The following PLXNC1 variants were observed in gnomAD, a reference collection of about 807,000 sequenced individuals.
PLXNC1 encodes plexin-C1.
In PLXNC1, 75 loss-of-function variants were observed where a neutral mutation model predicts 178.2. The ratio of observed to expected loss-of-function variants is 0.42; its 90% CI spans 0.35 to 0.51. PLXNC1 has a LOEUF of 0.51. PLXNC1 is among the 20% of genes least tolerant of loss of function. The probability of loss-of-function intolerance (pLI) is 0.02; values close to 1 mark genes in which losing one functional copy is unlikely to be tolerated. For missense variants in PLXNC1, 1,503 were observed against 1,984.4 expected, an observed-to-expected ratio of 0.76 and a Z score of 4.61; for synonymous variants, 790 against 779.9, an observed-to-expected ratio of 1.01 and a Z score of -0.22.
intron 9 of PLXNC1, among the ~76,000 whole-genome samples, chr12:94,229,726 C>T (rs7972001): frequency 0.068 from 10,418 of 152,216 alleles, 474 homozygotes; most frequent in African/African-American, 0.13. Context: ...GAGTGTATTT[C>T]TGGGTGTTCT....
At position 94,305,404 on chromosome 12, in the gene PLXNC1, C is replaced by CTGTCT; in HGVS notation, c.*121_*125dup. 1.6e-6 allele frequency: 1 copy of CTGTCT among 639,566 alleles called. No homozygotes were observed. The allele number at this position is 639,566 out of a possible 1,614,324, so 39.6% of individuals were successfully genotyped here. ...TTGCACATAGGTTCCACTTTGGGCA[C>CTGTCT]TGTCTTTTTAAGAGACCAAGGCACA... On this transcript the variant is annotated 3_prime_UTR_variant, in exon 31 of 31. Transcript: ENST00000258526.
chr12:94,188,981 GA>G (rs1227602564), intron 4 of PLXNC1, among the ~76,000 whole-genome samples: 17 of 152,386 alleles, frequency 1.1e-4, no homozygotes, highest in African/African-American at 3.6e-4. Context: ...AGAAAAGAGA[GA>G]GAAGGAGTGG....
Position 94,248,031 on chromosome 12 carries a change from G to A in PLXNC1, c.2517G>A (p.Gln839=), listed in dbSNP as rs1193612910. ...QDTYLDCGTL[Q]YREDPRFTGY... is the part of the protein sequence containing the mutation. The stretch of plus-strand genomic sequence containing the variant: ...CCTACTTGGATTGTGGAACCCTGCA[G>A]TATCGGGAGGACCCCAGATTCACGG... Residue 839 remains glutamine, a synonymous_variant, in exon 13 of 31, where the codon CAG becomes CAA. Coordinates refer to ENST00000258526, the MANE Select transcript of PLXNC1 (RefSeq NM_005761.3). The A allele has an allele frequency of 1.2e-6, 2 of 1,614,180 alleles. No individual in the cohort carries two copies. The highest frequency in any genetic ancestry group is 2.2e-5 in the South Asian group (2 of 91,090).
rs563195632 is a variant in PLXNC1 at position 94,220,879 on chromosome 12, T to C, written c.1702+716T>C. Reference sequence around the variant, plus strand: ...TTCAGACAGAGACCAACCTGCATGATGGCCAGGAGACAAAAAGCTTTATTT... The same window carrying C: ...TTCAGACAGAGACCAACCTGCATGACGGCCAGGAGACAAAAAGCTTTATTT... On this transcript the variant is annotated intron_variant, in intron 6 of 30. Coordinates refer to ENST00000258526, the MANE Select transcript of PLXNC1 (RefSeq NM_005761.3). Among the ~76,000 whole-genome samples the C allele has an allele frequency of 2.6e-5, 4 of 152,252 alleles. No homozygotes were observed. The South Asian group carries it at 8.3e-4, about 32-fold the overall frequency.
In PLXNC1 at chr12:94,260,741, T is replaced by C; in HGVS notation, c.3351T>C (p.Cys1117=). 1 of 1,614,154 alleles carries C rather than the reference T, an allele frequency of 6.2e-7. No individual in the cohort carries two copies. The highest frequency in any genetic ancestry group is 1.1e-5 in the South Asian group (1 of 91,082). The change falls in exon 20 of 31, where the codon TGT becomes TGC. Residue 1117 remains cysteine, a synonymous_variant. Coordinates refer to ENST00000258526, the MANE Select transcript of PLXNC1 (RefSeq NM_005761.3). This position sits in a 1 kb window ranked among gnomAD's most constrained non-coding sequence, Gnocchi z 4.4. ...EVLTRDLMEQ[C]SNMQPKLMLR... Reference sequence around the variant, plus strand: ...TGACCAGGGACTTGATGGAACAGTGTAGTAACATGCAGCCGAAACTCATGC... The same window carrying C: ...TGACCAGGGACTTGATGGAACAGTGCAGTAACATGCAGCCGAAACTCATGC...
chr12:94,266,808 A>G (rs11107488), intron 21 of PLXNC1, among the ~76,000 whole-genome samples: 3,311 of 152,352 alleles, frequency 0.022, 144 homozygotes, highest in African/African-American at 0.075. Flanking sequence ...GAACATTGCC[A>G]GGCATGTGAG....
chr12:94,223,677 A>G (rs1963856322), intron 6 of PLXNC1, among the ~76,000 whole-genome samples: 1 of 152,250 alleles, frequency 6.6e-6, no homozygotes, highest in African/African-American at 2.4e-5. Flanking sequence ...TTTCTAACCA[A>G]TGAGTAGGTT....
In PLXNC1 at chr12:94,220,191, G is replaced by A. The variant is rs773164862; in HGVS notation, c.1702+28G>A. 25 of 1,601,978 alleles carry A rather than the reference G, an allele frequency of 1.6e-5. No homozygotes were observed. In the South Asian group the frequency reaches 1.9e-4, roughly 12 times the overall value. On this transcript the variant is annotated intron_variant, in intron 6 of 30. Transcript: ENST00000258526. ...ATGTGGATTCTTCTGGGTTATTTTT[G>A]TTATAAAATCAAAAAAACAAGGGAA...
chr12:94,261,870 ATTTT>A (rs914088020), intron 20 of PLXNC1, among the ~76,000 whole-genome samples: 7 of 151,206 alleles, frequency 4.6e-5, no homozygotes, highest in African/African-American at 1.5e-4. Flanking sequence ...ATGCACAACA[ATTTT>A]TTTTTTAATT....
chr12:94,299,226 C>CAGAT (rs1302666602), intron 27 of PLXNC1, among the ~76,000 whole-genome samples: 2 of 152,176 alleles, frequency 1.3e-5, no homozygotes, highest in Non-Finnish European at 2.9e-5. Flanking sequence ...GTGCAGTACT[C>CAGAT]AGATACTATG....
At position 94,260,784 on chromosome 12, in the gene PLXNC1, G is replaced by A. The variant is rs79794288; in HGVS notation, c.3394G>A (p.Val1132Ile). ...PKLMLRRTES[V>I]VEKLLTNWMS... Reference sequence around the variant, plus strand: ...ACTCATGCTGAGACGCACGGAGTCCGTCGTCGAAAAACTCCTCACAAACTG... The same window carrying A: ...ACTCATGCTGAGACGCACGGAGTCCATCGTCGAAAAACTCCTCACAAACTG... The change falls in exon 20 of 31, where the codon GTC becomes ATC. Residue 1132 changes from valine (V) to isoleucine (I), a missense_variant. Physicochemically the swap from Val to Ile is conservative, Grantham distance 29. Around this residue, in one of 4 missense-constraint regions of PLXNC1, gnomAD observed 639 missense variants for 979.7 expected, o/e 0.65. Transcript: ENST00000258526. The surrounding 1 kb of genome is among the most constrained non-coding windows in gnomAD (Gnocchi z 4.4). 38 of 1,614,200 alleles carry A rather than the reference G, an allele frequency of 2.4e-5. No individual in the cohort carries two copies. Among genetic ancestry groups the A allele is most frequent in the African/African-American group, 9.3e-5 (7 of 75,062 alleles).
At chr12:94,185,089 A>T (rs747269270) in intron 3 of PLXNC1, among the ~76,000 whole-genome samples, 1 of 152,222 alleles carries the variant, frequency 6.6e-6, no homozygotes, top group Non-Finnish European at 1.5e-5. Flanking sequence ...AAGGTTAGAG[A>T]GATTGCATGA....
At chr12:94,274,769 G>A (rs750965896) in intron 21 of PLXNC1, among the ~76,000 whole-genome samples, 11 of 152,156 alleles carry the variant, frequency 7.2e-5, no homozygotes, top group Non-Finnish European at 1.3e-4. Context: ...TTGAGTACCC[G>A]GTTCTACCAT....
chr12:94,218,903 T>C (rs1334552448), intron 5 of PLXNC1, among the ~76,000 whole-genome samples: 5 of 152,224 alleles, frequency 3.3e-5, no homozygotes, highest in African/African-American at 9.6e-5. Context: ...TTGACAAATG[T>C]ATCTTCACAC....
intron 1 of PLXNC1, among the ~76,000 whole-genome samples, chr12:94,152,563 G>A (rs1424857075): frequency 6.6e-6 from 1 of 152,232 alleles, no homozygotes; most frequent in Non-Finnish European, 1.5e-5. Flanking sequence ...GAAAAGGCAT[G>A]CTGAATTATA....
chr12:94,199,491 G>A (rs1283188021), intron 4 of PLXNC1, among the ~76,000 whole-genome samples: 1 of 152,140 alleles, frequency 6.6e-6, no homozygotes. Context: ...TGGGCCTCAG[G>A]GAATTACTGA....
In PLXNC1 at chr12:94,209,732, CGTT is replaced by C. The variant is rs756021307; in HGVS notation, c.1554+31_1554+33del. ...AAGAGGAAAGATTTTAATTTGTCCTCGTTGTATTGTCTCATTTTGCACAGCGGA... is the reference window on the plus strand; with the variant it reads ...AAGAGGAAAGATTTTAATTTGTCCTCGTATTGTCTCATTTTGCACAGCGGA... On this transcript the variant is annotated intron_variant, in intron 5 of 30. Transcript: ENST00000258526. 2.2e-6 allele frequency: 3 copies of C among 1,343,126 alleles called. No individual in the cohort carries two copies. In the East Asian group the frequency reaches 6.9e-5, roughly 31 times the overall value. 83.2% of individuals were successfully genotyped at this position (1,343,126 alleles called of 1,614,324 possible).
intron 3 of PLXNC1, among the ~76,000 whole-genome samples, chr12:94,182,873 A>ATCTC (rs1962368105): frequency 1.4e-5 from 2 of 145,938 alleles, no homozygotes; most frequent in Non-Finnish European, 3.1e-5. Context: ...CTATCTATCT[A>ATCTC]TCTATCTATC....
rs1214442621 is a variant in PLXNC1 at position 94,169,205 on chromosome 12, T to C, written c.1115T>C (p.Ile372Thr). The C allele has an allele frequency of 3.1e-6, 5 of 1,613,868 alleles. No individual in the cohort carries two copies. Among genetic ancestry groups the C allele is most frequent in the Non-Finnish European group, 3.4e-6 (4 of 1,179,858 alleles). ...CAACCAATCGCATCATCTACCTTGA[T>C]CCATTCCGACCTGACATCCGTTTAT... ...RVQPIASSTL[I>T]HSDLTSVYGT... is the part of the protein sequence containing the mutation. Residue 372 changes from isoleucine (I) to threonine (T), a missense_variant, in exon 2 of 31, where the codon ATC (isoleucine) becomes ACC (threonine). Around this residue, in one of 4 missense-constraint regions of PLXNC1, gnomAD observed 615 missense variants for 698.6 expected, o/e 0.88. Coordinates refer to ENST00000258526, the MANE Select transcript of PLXNC1 (RefSeq NM_005761.3).
Sources: gnomAD v4.1 joint callset for allele counts (sites outside exome capture counted in the v4.1 genomes callset) on GRCh38, gnomAD v4.1.1 for gene constraint, gnomAD v4.1.1 regional missense constraint, Gnocchi (gnomAD v3.1) non-coding constraint, MANE v1.5 for transcripts, NCBI Gene and HGNC (gene_info 2026-07-23, HGNC 2026-07-21) for gene names.